Variants in RPS4X observed in about 807,000 individuals in gnomAD.
RPS4X encodes small ribosomal subunit protein eS4, X isoform.
For synonymous variants in RPS4X, 76 were observed against 76.8 expected, an observed-to-expected ratio of 0.99 and a Z score of 0.06; for missense variants, 90 against 219.1, an observed-to-expected ratio of 0.41 and a Z score of 3.72.
chrX:72,273,101 G>C, intron 6 of RPS4X, 131 bp downstream of exon 6: 1 of 592,227 alleles, frequency 1.7e-6, no homozygotes, highest in Non-Finnish European at 2.7e-6. Flanking sequence ...CCAGCTCTGC[G>C]TGAGTCCTAT....
chrX:72,274,101 T>G, intron 4 of RPS4X, 129 bp from the exon 5 acceptor site: 1 of 582,237 alleles, frequency 1.7e-6, no homozygotes, highest in Non-Finnish European at 2.8e-6. Context: ...CACCCTCAAG[T>G]GTATGTTGCA....
rs938647794 is a variant in RPS4X, at chrX:72,273,216, G to A, written c.690+16C>T. On this transcript the variant is annotated intron_variant, in intron 6 of 6. Transcript: ENST00000316084. ...CATATTTCCTCAGACTAGAGAGAAGGAAAACCCAGACTTACCTTGCCAATA... is the reference window on the plus strand; with the variant it reads ...CATATTTCCTCAGACTAGAGAGAAGAAAAACCCAGACTTACCTTGCCAATA... The A allele has an allele frequency of 2.2e-5, 26 of 1,195,449 alleles. No individual in the cohort carries two copies. Among genetic ancestry groups the A allele is most frequent in the Non-Finnish European group, 2.8e-5 (25 of 886,956 alleles).
rs371734554 is a variant in RPS4X at position 72,275,590 on chromosome X, G to A, written c.216C>T (p.Ile72=). ...KKICMQRFIK[I]DGKVRTDITY... is the part of the protein sequence containing the mutation. ...TTATATCAGTTCGGACCTTGCCATCGATTTTAATGAACCGCTGCATGCAAA... is the reference window on the plus strand; with the variant it reads ...TTATATCAGTTCGGACCTTGCCATCAATTTTAATGAACCGCTGCATGCAAA... Residue 72 remains isoleucine, a synonymous_variant, in exon 3 of 7, where the codon ATC becomes ATT. Coordinates refer to ENST00000316084, the MANE Select transcript of RPS4X (RefSeq NM_001007.5). The A allele has an allele frequency of 4.1e-6, 5 of 1,208,519 alleles. No individual in the cohort carries two copies. Among genetic ancestry groups the A allele is most frequent in the Non-Finnish European group, 4.5e-6 (4 of 894,501 alleles).
At chrX:72,276,660 G>C (rs1445932715) in intron 1 of RPS4X, among the ~76,000 whole-genome samples, 6 of 112,011 alleles carry the variant, frequency 5.4e-5, no homozygotes, top group African/African-American at 1.9e-4. Context: ...TTTTTGACAC[G>C]TATGGAACAA....
In RPS4X at chrX:72,272,313, T is replaced by C. The variant is rs1249239510; in HGVS notation, c.*358A>G. 7.2e-6 allele frequency: 1 copy of C among 139,826 alleles called. No homozygotes were observed. Among genetic ancestry groups the C allele is most frequent in the Non-Finnish European group, 1.4e-5 (1 of 71,868 alleles). The allele number at this position is 139,826 out of a possible 1,213,427, so 11.5% of individuals were successfully genotyped here. A position where few individuals can be genotyped will look rare whatever the true frequency, so the allele number is the denominator to read the frequency against. ...GACTGGAGAAGAAAATGAGGGCAGA[T>C]TTTTAGAAAGCCAAGGGAACTTAAC... On this transcript the variant is annotated 3_prime_UTR_variant, in exon 7 of 7. Coordinates refer to ENST00000316084, the MANE Select transcript of RPS4X (RefSeq NM_001007.5).
chrX:72,277,056 C>T, intron 1 of RPS4X, 137 bp downstream of exon 1: 1 of 746,856 alleles, frequency 1.3e-6, no homozygotes, highest in Non-Finnish European at 2.0e-6. Context: ...GGAGCCCGTC[C>T]CGGCCTACCA....
At chrX:72,273,664 G>C (rs2043189907) in intron 5 of RPS4X, 137 bp downstream of exon 5, 1 of 533,685 alleles carries the variant, frequency 1.9e-6, no homozygotes, top group African/African-American at 2.4e-5. Context: ...TGAGTATTCT[G>C]AGCATTTGTG....
Position 72,272,890 on chromosome X carries a change from G to C in RPS4X, c.691-118C>G, listed in dbSNP as rs772338492. On this transcript the variant is annotated intron_variant, in intron 6 of 6. Coordinates refer to ENST00000316084, the MANE Select transcript of RPS4X (RefSeq NM_001007.5). Reference sequence around the variant, plus strand: ...TGAAGCCTGTTTGTGAGAGTGCTTGGCATCAGCTAGGCAGTTGCAAGACAC... The same window carrying C: ...TGAAGCCTGTTTGTGAGAGTGCTTGCCATCAGCTAGGCAGTTGCAAGACAC... The C allele has an allele frequency of 9.7e-4, 502 of 517,573 alleles. 2 individuals carry two copies. Among genetic ancestry groups the C allele is most frequent in the Non-Finnish European group, 1.5e-3 (453 of 307,503 alleles). 42.7% of individuals were successfully genotyped at this position (517,573 alleles called of 1,213,427 possible). A position where few individuals can be genotyped will look rare whatever the true frequency, so the allele number is the denominator to read the frequency against.
At chrX:72,273,424 A>G (rs200306642) in intron 5 of RPS4X, 35 bp from the exon 6 acceptor site, 16 of 1,131,636 alleles carry the variant, frequency 1.4e-5, no homozygotes, top group East Asian at 6.1e-5. Context: ...TCAACTCAAT[A>G]TAACAAATGA....
chrX:72,273,497 TCA>T (rs1324828084), intron 5 of RPS4X, 108 bp from the exon 6 acceptor site: 7 of 837,732 alleles, frequency 8.4e-6, no homozygotes, highest in Non-Finnish European at 1.2e-5. Flanking sequence ...TTGAATTTCC[TCA>T]TATGGAACTG....
rs2043184964 is a variant in RPS4X, at chrX:72,272,532, T to C, written c.*139A>G. On this transcript the variant is annotated 3_prime_UTR_variant, in exon 7 of 7. Coordinates refer to ENST00000316084, the MANE Select transcript of RPS4X (RefSeq NM_001007.5). Reference sequence around the variant, plus strand: ...TGCCTAAGCCTGCCTGAGAACTTAATCACTGTTCATGTTATACAGTAAAAT... The same window carrying C: ...TGCCTAAGCCTGCCTGAGAACTTAACCACTGTTCATGTTATACAGTAAAAT... The C allele has an allele frequency of 2.3e-6, 1 of 428,604 alleles. No homozygotes were observed. 35.3% of individuals were successfully genotyped at this position (428,604 alleles called of 1,213,427 possible). A position where few individuals can be genotyped will look rare whatever the true frequency, so the allele number is the denominator to read the frequency against.
At chrX:72,276,346 TTAAAG>T (rs368264267) in intron 1 of RPS4X, 112 bp from the exon 2 acceptor site, 52 of 523,727 alleles carry the variant, frequency 9.9e-5, no homozygotes, top group African/African-American at 9.8e-4. Context: ...GTGGACAATA[TTAAAG>T]TATAGTGTTC....
At chrX:72,277,054 T>C in intron 1 of RPS4X, 139 bp downstream of exon 1, 1 of 731,508 alleles carries the variant, frequency 1.4e-6, no homozygotes, top group Non-Finnish European at 2.0e-6. Context: ...CTGGAGCCCG[T>C]CCCGGCCTAC....
chrX:72,274,769 A>G, intron 4 of RPS4X: 1 of 275,914 alleles, frequency 3.6e-6, no homozygotes, highest in Non-Finnish European at 6.6e-6. Context: ...ACTGGAATTC[A>G]TTTCTACCAC....
chrX:72,272,810 C>T, intron 6 of RPS4X, 38 bp from the exon 7 acceptor site: 1 of 977,689 alleles, frequency 1.0e-6, no homozygotes, highest in Admixed American at 2.3e-5. Flanking sequence ...ACCCACCACA[C>T]ACCAACTCAT....
intron 6 of RPS4X, 146 bp downstream of exon 6, chrX:72,273,086 T>C: frequency 3.8e-6 from 2 of 531,162 alleles, no homozygotes; most frequent in South Asian, 6.6e-5. Flanking sequence ...TCATTATGAC[T>C]CAGCCCAGCT....
chrX:72,276,309 T>A, intron 1 of RPS4X, 75 bp from the exon 2 acceptor site: 11 of 738,608 alleles, frequency 1.5e-5, no homozygotes, highest in South Asian at 2.4e-5. Context: ...AACTAAACTC[T>A]TAGTTTAGTT....
intron 1 of RPS4X, 144 bp from the exon 2 acceptor site, chrX:72,276,378 A>C: frequency 4.4e-6 from 2 of 455,418 alleles, no homozygotes; most frequent in East Asian, 3.8e-5. Flanking sequence ...AACAGAAACA[A>C]ACACAGTTAT....
intron 3 of RPS4X, 70 bp from the exon 4 acceptor site, chrX:72,275,220 G>T: frequency 1.4e-6 from 1 of 706,587 alleles, no homozygotes; most frequent in Non-Finnish European, 2.2e-6. Flanking sequence ...AACAACCATA[G>T]CTCTCTACGA....
Sources: allele counts gnomAD v4.1 joint callset (sites outside exome capture counted in the v4.1 genomes callset), GRCh38; gene constraint gnomAD v4.1.1; transcripts MANE v1.5; gene names NCBI Gene and HGNC (gene_info 2026-07-23, HGNC 2026-07-21).